The following ASB8 variants were observed in gnomAD, a reference collection of about 807,000 sequenced individuals.
The protein encoded by ASB8 is ankyrin repeat and SOCS box protein 8.
Under a neutral mutation model 22.9 loss-of-function variants are expected in ASB8, and 15 were observed. That is an observed-to-expected ratio of 0.66 (90% CI 0.44 to 1.01). ASB8 has a LOEUF of 1.01. Among genes scored for constraint, ASB8 ranks in the 50% least tolerant of loss-of-function variants. ASB8 has a pLI of 0.00. For synonymous variants in ASB8, 124 were observed against 140.8 expected (o/e 0.88, Z 0.84); for missense variants, 294 against 356.9 (o/e 0.82, Z 1.42).
Position 48,153,359 on chromosome 12 carries a change from C to T in ASB8, c.129+9G>A, listed in dbSNP as rs757411635. ...GCAAGGACTCTCCTGTCAATACCAG[C>T]ACACTCACCCCTCTGATGAGGTCCT... On this transcript the variant is annotated intron_variant, in intron 2 of 3. Coordinates refer to ENST00000317697, the MANE Select transcript of ASB8 (RefSeq NM_024095.5). 8 of 1,613,770 alleles carry T rather than the reference C, an allele frequency of 5.0e-6. No homozygotes were observed. In the East Asian group the frequency reaches 1.8e-4, roughly 36 times the overall value.
In ASB8 at chr12:48,157,472, T is replaced by G. The variant is rs562513313; in HGVS notation, c.-47A>C. On this transcript the variant is annotated 5_prime_UTR_variant, in exon 1 of 4. Coordinates refer to ENST00000317697, the MANE Select transcript of ASB8 (RefSeq NM_024095.5). ...GACCGCACTCACCGAATTGCTGGGC[T>G]GAGGTGGGGGTTGAAAGCCGCTGTC... 5 of 152,042 alleles carry G rather than the reference T, an allele frequency of 3.3e-5. No individual in the cohort carries two copies. The East Asian group carries it at 9.7e-4, about 29-fold the overall frequency. 9.4% of individuals were successfully genotyped at this position (152,042 alleles called of 1,614,324 possible). A position where few individuals can be genotyped will look rare whatever the true frequency, so the allele number is the denominator to read the frequency against.
chr12:48,155,742 A>AAAAATATATAT (rs371161682), intron 1 of ASB8, among the ~76,000 whole-genome samples: 10 of 114,944 alleles, frequency 8.7e-5, no homozygotes, highest in African/African-American at 3.4e-4. Context: ...AAAAAAAAAA[A>AAAAATATATAT]ATATATATAT....
rs767608278 is a variant in ASB8, at chr12:48,153,365, C to T, written c.129+3G>A. ...ACTCTCCTGTCAATACCAGCACACTCACCCCTCTGATGAGGTCCTCTACAT... is the reference window on the plus strand; with the variant it reads ...ACTCTCCTGTCAATACCAGCACACTTACCCCTCTGATGAGGTCCTCTACAT... On this transcript the variant is annotated splice_donor_region_variant and intron_variant, in intron 2 of 3. Transcript: ENST00000317697. 8.1e-6 allele frequency: 13 copies of T among 1,613,796 alleles called. No individual in the cohort carries two copies. Among genetic ancestry groups the T allele is most frequent in the Non-Finnish European group, 9.3e-6 (11 of 1,179,848 alleles).
rs889372009 is a variant in ASB8, at chr12:48,147,992, T to C, written c.*1374A>G. The C allele has an allele frequency of 1.3e-5, 2 of 152,122 alleles. No individual in the cohort carries two copies. Among genetic ancestry groups the C allele is most frequent in the African/African-American group, 4.8e-5 (2 of 41,408 alleles). The allele number at this position is 152,122 out of a possible 1,614,324, so 9.4% of individuals were successfully genotyped here. On this transcript the variant is annotated 3_prime_UTR_variant, in exon 4 of 4. Coordinates refer to ENST00000317697, the MANE Select transcript of ASB8 (RefSeq NM_024095.5). Reference sequence around the variant, plus strand: ...AAAATCAATAACAACTTGATCTAATTTAGAAAAATGAAAGAGTATCGTTCA... The same window carrying C: ...AAAATCAATAACAACTTGATCTAATCTAGAAAAATGAAAGAGTATCGTTCA...
Position 48,149,320 on chromosome 12 carries a change from A to G in ASB8, c.*46T>C, listed in dbSNP as rs200565338. 20 of 1,564,494 alleles carry G rather than the reference A, an allele frequency of 1.3e-5. No homozygotes were observed. The highest frequency in any genetic ancestry group is 2.2e-5 in the East Asian group (1 of 44,540). On this transcript the variant is annotated 3_prime_UTR_variant, in exon 4 of 4. Transcript: ENST00000317697. Reference sequence around the variant, plus strand: ...TGTGACAAGGAGTACTGCAGGGACAACCTCACCCAGAGCTGCCTGCACGAT... The same window carrying G: ...TGTGACAAGGAGTACTGCAGGGACAGCCTCACCCAGAGCTGCCTGCACGAT...
rs1277516791 is a variant in ASB8, at chr12:48,149,206, G to A, written c.*160C>T. Reference sequence around the variant, plus strand: ...TTTTTTGTTGGGTTGTTTGGTTTGGGAAGGGGAGGTGCTATGGAGGTTATT... The same window carrying A: ...TTTTTTGTTGGGTTGTTTGGTTTGGAAAGGGGAGGTGCTATGGAGGTTATT... On this transcript the variant is annotated 3_prime_UTR_variant, in exon 4 of 4. Transcript: ENST00000317697. The A allele has an allele frequency of 1.3e-6, 1 of 746,278 alleles. No homozygotes were observed. Among genetic ancestry groups the A allele is most frequent in the Non-Finnish European group, 2.1e-6 (1 of 478,410 alleles). The allele number at this position is 746,278 out of a possible 1,614,324, so 46.2% of individuals were successfully genotyped here. A position where few individuals can be genotyped will look rare whatever the true frequency, so the allele number is the denominator to read the frequency against.
At chr12:48,153,586 G>A in intron 1 of ASB8, 57 bp from the exon 2 acceptor site, 1 of 1,428,212 alleles carries the variant, frequency 7.0e-7, no homozygotes, top group Non-Finnish European at 9.7e-7. Context: ...TGTCTTTAGG[G>A]TTAGGTCTTC....
rs1333549610 is a variant in ASB8, at chr12:48,148,577, T to C, written c.*789A>G. The C allele has an allele frequency of 6.6e-6, 1 of 152,046 alleles. No individual in the cohort carries two copies. The highest frequency in any genetic ancestry group is 6.6e-5 in the Admixed American group (1 of 15,258). The allele number at this position is 152,046 out of a possible 1,614,324, so 9.4% of individuals were successfully genotyped here. On this transcript the variant is annotated 3_prime_UTR_variant, in exon 4 of 4. Coordinates refer to ENST00000317697, the MANE Select transcript of ASB8 (RefSeq NM_024095.5). ...TCTGGATCTGCACCATTTGAGGTTA[T>C]AGTATCTTCATCTTTGGGACACAAT...
At chr12:48,154,551 A>G (rs1486991687) in intron 1 of ASB8, among the ~76,000 whole-genome samples, 2 of 152,032 alleles carry the variant, frequency 1.3e-5, no homozygotes, top group Non-Finnish European at 2.9e-5. Flanking sequence ...CAAAAGTATA[A>G]CTACCCTGGA....
In ASB8 at chr12:48,156,995, A is replaced by T. The variant is rs1951316596; in HGVS notation, c.-34+464T>A. ...CACTTACTGAGAAGCTGAAAAAAAA[A>T]AAAAAAAAAAGCAAACTGGAAAAGA... is the stretch of plus-strand genomic sequence containing the variant. On this transcript the variant is annotated intron_variant, in intron 1 of 3. Coordinates refer to ENST00000317697, the MANE Select transcript of ASB8 (RefSeq NM_024095.5). 2.0e-5 allele frequency: 3 copies of T among 151,560 alleles called. No individual in the cohort carries two copies. In the South Asian group the frequency reaches 6.2e-4, roughly 31 times the overall value. The allele number at this position is 151,560 out of a possible 1,614,324, so 9.4% of individuals were successfully genotyped here. A position where few individuals can be genotyped will look rare whatever the true frequency, so the allele number is the denominator to read the frequency against.
At position 48,151,273 on chromosome 12, in the gene ASB8, C is replaced by G. The variant is rs1951198025; in HGVS notation, c.162G>C (p.Leu54=). 1 of 1,614,020 alleles carries G rather than the reference C, an allele frequency of 6.2e-7. No homozygotes were observed. The highest frequency in any genetic ancestry group is 1.1e-5 in the South Asian group (1 of 91,076). ...CCATACAGGCACAGTGCAAGGGCTTCAGTGTGCCATGAGTGCAGTTCACAT... is the reference window on the plus strand; with the variant it reads ...CCATACAGGCACAGTGCAAGGGCTTGAGTGTGCCATGAGTGCAGTTCACAT... The part of the protein sequence containing the change: ...GADVNCTHGT[L]KPLHCACMVS... The change falls in exon 3 of 4, where the codon CTG becomes CTC. Residue 54 remains leucine (L), a synonymous_variant. Coordinates refer to ENST00000317697, the MANE Select transcript of ASB8 (RefSeq NM_024095.5).
intron 2 of ASB8, 42 bp downstream of exon 2, chr12:48,153,326 T>A (rs780675708): frequency 6.2e-7 from 1 of 1,608,234 alleles, no homozygotes; most frequent in Non-Finnish European, 8.5e-7. Flanking sequence ...TTTTGCCCAC[T>A]TCATATCGCA....
chr12:48,152,084 G>A (rs1367756711), intron 2 of ASB8, among the ~76,000 whole-genome samples: 6 of 151,888 alleles, frequency 4.0e-5, no homozygotes, highest in Non-Finnish European at 5.9e-5. Context: ...CCTGGGAGGC[G>A]GAGGTTGCAG....
chr12:48,155,729 C>CAAAAA (rs1219893101), intron 1 of ASB8, among the ~76,000 whole-genome samples: 8 of 107,800 alleles, frequency 7.4e-5, no homozygotes, highest in Admixed American at 2.2e-4. Context: ...GACTCCATCT[C>CAAAAA]AAAAAAAAAA....
intron 2 of ASB8, 134 bp from the exon 3 acceptor site, chr12:48,151,439 C>G: frequency 3.1e-6 from 3 of 962,404 alleles, no homozygotes; most frequent in Middle Eastern, 4.5e-4. Context: ...GTTCCTGTTT[C>G]CTTTTCTATT....
rs1401195776 is a variant in ASB8 at position 48,148,664 on chromosome 12, T to G, written c.*702A>C. Reference sequence around the variant, plus strand: ...TCACAGATCAATTAAAATGGTTTTTTTTTTTTTTTTTTTTTTTTGAGACAG... The same window carrying G: ...TCACAGATCAATTAAAATGGTTTTTGTTTTTTTTTTTTTTTTTTGAGACAG... On this transcript the variant is annotated 3_prime_UTR_variant, in exon 4 of 4. Transcript: ENST00000317697. The G allele has an allele frequency of 1.4e-5, 2 of 145,160 alleles. No individual in the cohort carries two copies. The highest frequency in any genetic ancestry group is 6.9e-5 in the Admixed American group (1 of 14,524). 9.0% of individuals were successfully genotyped at this position (145,160 alleles called of 1,614,324 possible). A position where few individuals can be genotyped will look rare whatever the true frequency, so the allele number is the denominator to read the frequency against.
In ASB8 at chr12:48,149,801, G is replaced by C. The variant is rs3936179; in HGVS notation, c.432C>G (p.Val144=). 0.08 allele frequency: 128,441 copies of C among 1,614,026 alleles called. 6,045 individuals are homozygous for C. The highest frequency in any genetic ancestry group is 0.096 in the Non-Finnish European group (113,120 of 1,179,918). ...VRALLESGAS[V]NALDYNNDTP... ...TATCATTGTTGTAATCCAGGGCATT[G>C]ACAGAGGCCCCGCTCTCTAGGAGAG... The change falls in exon 4 of 4, where the codon GTC becomes GTG. Residue 144 remains valine, a synonymous_variant. Coordinates refer to ENST00000317697, the MANE Select transcript of ASB8 (RefSeq NM_024095.5).
intron 2 of ASB8, among the ~76,000 whole-genome samples, chr12:48,152,109 G>A (rs1023410138): frequency 2.7e-5 from 4 of 149,044 alleles, no homozygotes; most frequent in African/African-American, 1.0e-4. Context: ...CCAAGATCGC[G>A]CCATTGCACT....
Position 48,149,574 on chromosome 12 carries a change from A to T in ASB8, c.659T>A (p.Leu220Ter). The T allele has an allele frequency of 6.2e-7, 1 of 1,614,002 alleles. No homozygotes were observed. The highest frequency in any genetic ancestry group is 8.5e-7 in the Non-Finnish European group (1 of 1,179,958). Residue 220 changes from leucine (L) to a stop codon, truncating the protein, a stop_gained, in exon 4 of 4, where the codon TTG (leucine) becomes TAG (stop). Coordinates refer to ENST00000317697, the MANE Select transcript of ASB8 (RefSeq NM_024095.5). LOFTEE classifies it high-confidence loss of function. ...LLHRAVGHFE[L>*]RKNGTMPREV... The stretch of plus-strand genomic sequence containing the variant: ...TCGTGGCATGGTGCCATTTTTCCTC[A>T]ATTCAAAGTGTCCAACAGCTCTGTG...
Sources: gnomAD v4.1 joint callset for allele counts (sites outside exome capture counted in the v4.1 genomes callset) on GRCh38, gnomAD v4.1.1 for gene constraint, MANE v1.5 for transcripts, NCBI Gene and HGNC (gene_info 2026-07-23, HGNC 2026-07-21) for gene names.